The following MMRN1 variants were observed in gnomAD, a reference collection of about 807,000 sequenced individuals.
The protein encoded by MMRN1 is multimerin-1.
Under a neutral mutation model 100.7 loss-of-function variants are expected in MMRN1, and 94 were observed. The ratio of observed to expected loss-of-function variants is 0.93; its 90% CI spans 0.79 to 1.11. MMRN1 has a LOEUF of 1.11. Among genes scored for constraint, MMRN1 ranks in the 50% least tolerant of loss-of-function variants. MMRN1 has a pLI of 0.00. For missense variants in MMRN1, 1,606 were observed against 1,439.1 expected (o/e 1.12, Z -1.88); for synonymous variants, 575 against 505.0 (o/e 1.14, Z -1.86).
intron 1 of MMRN1, among the ~76,000 whole-genome samples, chr4:89,896,341 A>G (rs1332351221): frequency 6.6e-6 from 1 of 152,196 alleles, no homozygotes; most frequent in Non-Finnish European, 1.5e-5. Flanking sequence ...TTATTTTTCA[A>G]ATTAATTTTA....
upstream of MMRN1, among the ~76,000 whole-genome samples, chr4:89,892,192 C>CT (rs1019053225): frequency 1.3e-4 from 19 of 151,648 alleles, no homozygotes; most frequent in African/African-American, 4.6e-4. Flanking sequence ...CTCCTGATAA[C>CT]TCATAATATA....
At chr4:89,902,482 T>G (rs1560581856) in intron 1 of MMRN1, among the ~76,000 whole-genome samples, 1 of 151,962 alleles carries the variant, frequency 6.6e-6, no homozygotes, top group Non-Finnish European at 1.5e-5. Context: ...ACTTTTCACT[T>G]TAAAATTGGA....
At chr4:89,884,964 G>T (rs1717888939) in intron 1 of MMRN1, among the ~76,000 whole-genome samples, 1 of 152,060 alleles carries the variant, frequency 6.6e-6, no homozygotes, top group African/African-American at 2.4e-5. Flanking sequence ...TGGGGAAAAA[G>T]CATTCAAAGT....
intron 1 of MMRN1, among the ~76,000 whole-genome samples, chr4:89,884,348 T>C (rs559402096): frequency 3.9e-5 from 6 of 152,186 alleles, no homozygotes; most frequent in African/African-American, 1.4e-4. Flanking sequence ...TATTTACTTA[T>C]TCGGGTGTTT....
At chr4:89,932,902 C>A (rs570213083) in intron 5 of MMRN1, among the ~76,000 whole-genome samples, 1 of 152,302 alleles carries the variant, frequency 6.6e-6, no homozygotes, top group South Asian at 2.1e-4. Context: ...ATGCAAATTT[C>A]TGCCACCAGC....
At chr4:89,922,943 TTTA>T (rs200686943) in intron 3 of MMRN1, among the ~76,000 whole-genome samples, 2,247 of 151,108 alleles carry the variant, frequency 0.015, 63 homozygotes, top group African/African-American at 0.051. Flanking sequence ...CCTGAATAAT[TTTA>T]TTTTTTTTTC....
intron 1 of MMRN1, among the ~76,000 whole-genome samples, chr4:89,886,511 G>T (rs998520685): frequency 6.6e-5 from 10 of 152,022 alleles, no homozygotes; most frequent in African/African-American, 2.4e-4. Context: ...AAAAGTATGT[G>T]TTCTGTAGTT....
At chr4:89,905,617 G>T (rs1721542827) in intron 1 of MMRN1, among the ~76,000 whole-genome samples, 1 of 151,474 alleles carries the variant, frequency 6.6e-6, no homozygotes, top group South Asian at 2.1e-4. Flanking sequence ...TCAAGAGAAT[G>T]TTAATTTTCA....
intron 6 of MMRN1, among the ~76,000 whole-genome samples, chr4:89,944,555 T>G (rs1158015363): frequency 6.6e-6 from 1 of 152,176 alleles, no homozygotes; most frequent in Non-Finnish European, 1.5e-5. Context: ...TGCAGTTATA[T>G]CTCATTGTAA....
intron 1 of MMRN1, among the ~76,000 whole-genome samples, chr4:89,906,837 G>A (rs1042656587): frequency 1.3e-5 from 2 of 151,426 alleles, no homozygotes; most frequent in Non-Finnish European, 3.0e-5. Flanking sequence ...GCAGTCTGCT[G>A]ATCTGCTTCT....
chr4:89,916,525 A>G (rs1721925082), intron 3 of MMRN1, among the ~76,000 whole-genome samples: 1 of 151,772 alleles, frequency 6.6e-6, no homozygotes, highest in Non-Finnish European at 1.5e-5. Flanking sequence ...GTGATGTTGA[A>G]ACTATAAAAT....
chr4:89,945,646 A>G (rs1722964623), intron 6 of MMRN1, among the ~76,000 whole-genome samples: 1 of 152,152 alleles, frequency 6.6e-6, no homozygotes, highest in Non-Finnish European at 1.5e-5. Context: ...TTATAACTCT[A>G]AAGAAAAAGG....
chr4:89,926,982 A>G (rs931354957), intron 4 of MMRN1, among the ~76,000 whole-genome samples: 4 of 151,930 alleles, frequency 2.6e-5, no homozygotes, highest in African/African-American at 9.7e-5. Context: ...CCATTGGTGT[A>G]TTTGTCTATT....
chr4:89,920,310 A>G (rs927700625), intron 3 of MMRN1, among the ~76,000 whole-genome samples: 5 of 152,152 alleles, frequency 3.3e-5, no homozygotes, highest in Non-Finnish European at 7.4e-5. Flanking sequence ...GTAAGGAGCA[A>G]CAGTCTGGCT....
At chr4:89,937,800 A>G (rs1272045806) in intron 6 of MMRN1, among the ~76,000 whole-genome samples, 1 of 152,108 alleles carries the variant, frequency 6.6e-6, no homozygotes, top group East Asian at 1.9e-4. Flanking sequence ...GGGAAATGAC[A>G]GAATAGTGGT....
intron 7 of MMRN1, 79 bp from the exon 8 acceptor site, chr4:89,952,918 T>C: frequency 7.3e-7 from 1 of 1,377,882 alleles, no homozygotes; most frequent in South Asian, 1.5e-5. Context: ...GTAACTGAGA[T>C]AAAAATGACG....
At chr4:89,918,728 A>G (rs1456282678) in intron 3 of MMRN1, among the ~76,000 whole-genome samples, 1 of 151,892 alleles carries the variant, frequency 6.6e-6, no homozygotes, top group Non-Finnish European at 1.5e-5. Flanking sequence ...AAGTCTATCT[A>G]AAACTTTGCC....
upstream of MMRN1, among the ~76,000 whole-genome samples, chr4:89,893,952 A>C (rs1721112249): frequency 2.0e-5 from 3 of 152,156 alleles, no homozygotes; most frequent in Admixed American, 2.0e-4. Context: ...CATCTCTACC[A>C]GAAAAAAACC....
intron 1 of MMRN1, among the ~76,000 whole-genome samples, chr4:89,900,360 A>AC (rs1721345160): frequency 6.6e-6 from 1 of 152,080 alleles, no homozygotes; most frequent in Non-Finnish European, 1.5e-5. Context: ...CTCAAAGGAA[A>AC]CTTTTTTTGC....
Sources: allele counts gnomAD v4.1 joint callset (sites outside exome capture counted in the v4.1 genomes callset), GRCh38; gene constraint gnomAD v4.1.1; transcripts MANE v1.5; gene names NCBI Gene and HGNC (gene_info 2026-07-23, HGNC 2026-07-21).